Variants in GOSR2 observed in about 807,000 individuals in gnomAD.
The protein encoded by GOSR2 is 27 kDa Golgi SNARE protein.
In GOSR2, 20 loss-of-function variants were observed where a neutral mutation model predicts 27.9. The ratio of observed to expected loss-of-function variants is 0.72; its 90% CI spans 0.50 to 1.04. The LOEUF is 1.04. GOSR2 is among the 50% of genes least tolerant of loss of function. The pLI, the probability that GOSR2 is intolerant of heterozygous loss-of-function variation, is 0.00. For missense variants in GOSR2, 261 were observed against 270.5 expected (o/e 0.97, Z 0.25); for synonymous variants, 91 against 98.8 (o/e 0.92, Z 0.47).
chr17:46,947,029 A>G lies in GOSR2; in HGVS notation c.583+8325A>G, dbSNP rs376954244. 3.9e-5 allele frequency among the ~76,000 whole-genome samples: 6 copies of G among 152,162 alleles called. No individual in the cohort carries two copies. The South Asian group carries it at 6.2e-4, about 16-fold the overall frequency. ...CGGGGGCCAGATTCACAGGGGAGCC[A>G]TGTGAGCTTGGTTCTCAGCAGGCTG... On this transcript the variant is annotated intron_variant, in intron 6 of 6. Transcript: ENST00000573224.
intron 6 of GOSR2, chr17:46,948,726 A>G (rs1025207573): frequency 1.3e-5 from 2 of 152,200 alleles, no homozygotes; most frequent in African/African-American, 4.8e-5. Flanking sequence ...ATACTGATCT[A>G]AGGAGCTTAA....
rs527270223 is a variant in GOSR2 at position 46,940,996 on chromosome 17, G to A, written c.*2236G>A. On this transcript the variant is annotated 3_prime_UTR_variant, in exon 6 of 6. Coordinates refer to ENST00000640051, the MANE Select transcript of GOSR2 (RefSeq NM_004287.5). ...GGGAAGGGTCCAGGCCAGGGAAGGAGCACCCTCTAGTGGAGGCGGGGGTGA... is the reference window on the plus strand; with the variant it reads ...GGGAAGGGTCCAGGCCAGGGAAGGAACACCCTCTAGTGGAGGCGGGGGTGA... 6 of 1,160,242 alleles carry A rather than the reference G, an allele frequency of 5.2e-6. No individual in the cohort carries two copies. The South Asian group carries it at 1.0e-4, about 19-fold the overall frequency. The allele number at this position is 1,160,242 out of a possible 1,614,324, so 71.9% of individuals were successfully genotyped here. A position where few individuals can be genotyped will look rare whatever the true frequency, so the allele number is the denominator to read the frequency against.
chr17:46,973,886 G>A (rs1445005109), intron 6 of GOSR2, among the ~76,000 whole-genome samples: 7 of 152,036 alleles, frequency 4.6e-5, no homozygotes, highest in Non-Finnish European at 5.9e-5. Flanking sequence ...TGCTGTACCC[G>A]CCACCTCGCA....
downstream of GOSR2, among the ~76,000 whole-genome samples, chr17:46,971,898 G>T (rs2091396233): frequency 6.6e-6 from 1 of 152,232 alleles, no homozygotes. Context: ...TCCCCGGCAA[G>T]GGGGAAGCTT....
Position 46,938,730 on chromosome 17 carries a change from C to T in GOSR2, c.609C>T (p.Val203=), listed in dbSNP as rs751198024. Residue 203 remains valine, a synonymous_variant, in exon 6 of 6, where the codon GTC becomes GTT. Transcript: ENST00000640051. ...GTGGGATGCTGCTGACCTGTGTGGT[C>T]ATGTTCCTCGTGGTGCAGTACCTGA... is the stretch of plus-strand genomic sequence containing the variant. ...MIGGMLLTCV[V]MFLVVQYLT 1 of 1,613,994 alleles carries T rather than the reference C, an allele frequency of 6.2e-7. No homozygotes were observed. The highest frequency in any genetic ancestry group is 2.2e-5 in the East Asian group (1 of 44,880).
At chr17:46,968,886 G>A (rs1382750881), downstream of GOSR2, 1 of 152,268 alleles carries the variant, frequency 6.6e-6, no homozygotes, top group Non-Finnish European at 1.5e-5. Flanking sequence ...ATTGGTCTGG[G>A]GTGCAACCCC....
intron 6 of GOSR2, among the ~76,000 whole-genome samples, chr17:46,954,745 C>G (rs2090598459): frequency 6.6e-6 from 1 of 152,120 alleles, no homozygotes; most frequent in Admixed American, 6.5e-5. Flanking sequence ...CCTTCACATC[C>G]CTTGTAAATT....
intron 5 of GOSR2, chr17:46,936,319 G>T: frequency 6.1e-6 from 6 of 985,366 alleles, no homozygotes; most frequent in Non-Finnish European, 7.2e-6. Context: ...GAGCCAGTGG[G>T]GGTTAGAGCG....
rs1045876108 is a variant in GOSR2, at chr17:46,932,191, A to T, written c.328A>T (p.Thr110Ser). The T allele has an allele frequency of 1.2e-6, 2 of 1,614,020 alleles. No homozygotes were observed. Among genetic ancestry groups the T allele is most frequent in the Non-Finnish European group, 1.7e-6 (2 of 1,180,016 alleles). The change falls in exon 4 of 6, where the codon ACC becomes TCC. Residue 110 changes from threonine to serine, a missense_variant. Transcript: ENST00000640051. ...QREELLSRTF[T>S]TNDSDTTIPM... ...AGAAGAGCTTCTGTCTCGAACCTTC[A>T]CCACTAACGTAAGCCAGGCCCGTGG...
At chr17:46,973,636 G>C (rs2091415573) in intron 6 of GOSR2, among the ~76,000 whole-genome samples, 1 of 152,170 alleles carries the variant, frequency 6.6e-6, no homozygotes, top group Non-Finnish European at 1.5e-5. Flanking sequence ...TGTCATCTCA[G>C]AGGCTGGGAC....
At chr17:46,961,832 A>G (rs2091070192) in intron 6 of GOSR2, among the ~76,000 whole-genome samples, 1 of 152,228 alleles carries the variant, frequency 6.6e-6, no homozygotes, top group African/African-American at 2.4e-5. Flanking sequence ...TGCCTACTGT[A>G]TGCAGAGCCC....
At chr17:46,953,509 C>G (rs957479961) in intron 6 of GOSR2, among the ~76,000 whole-genome samples, 1 of 152,080 alleles carries the variant, frequency 6.6e-6, no homozygotes. Context: ...AATAAACATA[C>G]GTGTGCATGT....
At chr17:46,935,802 A>G (rs1599027488) in intron 5 of GOSR2, 1 of 986,622 alleles carries the variant, frequency 1.0e-6, no homozygotes, top group Non-Finnish European at 1.2e-6. Context: ...TTACAGAAAC[A>G]TTACACAGAC....
chr17:46,936,894 T>G (rs1274334308), intron 5 of GOSR2: 1 of 894,232 alleles, frequency 1.1e-6, no homozygotes, highest in Non-Finnish European at 1.3e-6. Flanking sequence ...GATTTTGGAT[T>G]CCTGTCCATG....
chr17:46,952,055 A>G (rs968490465), intron 6 of GOSR2, among the ~76,000 whole-genome samples: 5 of 152,184 alleles, frequency 3.3e-5, no homozygotes, highest in Admixed American at 2.6e-4. Context: ...AGATTCCTGA[A>G]GCTGGGTTGT....
At chr17:46,966,939 G>A (rs2091339583) in exon 7 of GOSR2, 1 of 380,876 alleles carries the variant, frequency 2.6e-6, no homozygotes. Flanking sequence ...TCTGGCTAGA[G>A]AAAATGCTCA....
At chr17:46,930,047 AT>A (rs35194907) in intron 2 of GOSR2, 62,773 of 123,800 alleles carry the variant, frequency 0.51, 13,557 homozygotes, top group Non-Finnish European at 0.55. Context: ...GTTTTTTTTC[AT>A]TTTTTTTTTT....
downstream of GOSR2, among the ~76,000 whole-genome samples, chr17:46,968,478 C>A (rs566256364): frequency 5.9e-5 from 9 of 152,372 alleles, no homozygotes; most frequent in South Asian, 1.9e-3. Flanking sequence ...AGACCATCAC[C>A]ATCATAACAC....
In GOSR2 at chr17:46,940,277, C is replaced by T; in HGVS notation, c.*1517C>T. ...TCGGTTGGAGGAGATCTCCATTGTTCCTACCCCTCCGGGCCAAATGGGCCC... is the reference window on the plus strand; with the variant it reads ...TCGGTTGGAGGAGATCTCCATTGTTTCTACCCCTCCGGGCCAAATGGGCCC... On this transcript the variant is annotated 3_prime_UTR_variant, in exon 6 of 6. Coordinates refer to ENST00000640051, the MANE Select transcript of GOSR2 (RefSeq NM_004287.5). The T allele has an allele frequency of 2.1e-6, 3 of 1,433,398 alleles. No individual in the cohort carries two copies. The highest frequency in any genetic ancestry group is 2.8e-5 in the Admixed American group (1 of 35,340). The allele number at this position is 1,433,398 out of a possible 1,614,324, so 88.8% of individuals were successfully genotyped here. A position where few individuals can be genotyped will look rare whatever the true frequency, so the allele number is the denominator to read the frequency against.
Sources: allele counts gnomAD v4.1 joint callset (sites outside exome capture counted in the v4.1 genomes callset), GRCh38; gene constraint gnomAD v4.1.1; transcripts MANE v1.5; gene names NCBI Gene and HGNC (gene_info 2026-07-23, HGNC 2026-07-21).